Variants in SH3RF1 observed in about 807,000 individuals in gnomAD.
SH3RF1 encodes SH3 domain containing ring finger 1, also known as E3 ubiquitin-protein ligase SH3RF1.
Under a neutral mutation model 74.0 loss-of-function variants are expected in SH3RF1, and 32 were observed. The ratio of observed to expected loss-of-function variants is 0.43; its 90% CI spans 0.33 to 0.58. The LOEUF (loss-of-function observed/expected upper bound fraction) is 0.58, where lower values mean the gene tolerates loss of function less well. Ranked by LOEUF, SH3RF1 falls within the 20% of genes least tolerant of loss-of-function variation. The pLI is 0.05. For missense variants in SH3RF1, 954 were observed against 1,130.9 expected (o/e 0.84, Z 2.24); for synonymous variants, 396 against 439.6 (o/e 0.90, Z 1.24).
chr4:169,120,776 TTC>T (rs1353584388), intron 8 of SH3RF1, 41 bp downstream of exon 8: 2 of 1,592,922 alleles, frequency 1.3e-6, no homozygotes, highest in Non-Finnish European at 1.7e-6. Flanking sequence ...AGAACAAAGC[TTC>T]TCTGTTTAGA....
chr4:169,224,783 T>A (rs1479846920), intron 2 of SH3RF1, among the ~76,000 whole-genome samples: 1 of 152,006 alleles, frequency 6.6e-6, no homozygotes, highest in East Asian at 1.9e-4. Context: ...ATGAGGGAGA[T>A]CTTGAAGACT....
At chr4:169,190,041 C>T (rs1009444042) in intron 2 of SH3RF1, among the ~76,000 whole-genome samples, 6 of 152,072 alleles carry the variant, frequency 3.9e-5, no homozygotes, top group African/African-American at 1.4e-4. Flanking sequence ...AATAGTGACA[C>T]AAACTATCAA....
At chr4:169,244,096 C>G (rs1007272876) in intron 2 of SH3RF1, among the ~76,000 whole-genome samples, 2 of 152,138 alleles carry the variant, frequency 1.3e-5, no homozygotes, top group Non-Finnish European at 2.9e-5. Context: ...TCTGGCCATC[C>G]CTTTGTCTGA....
chr4:169,192,437 T>C (rs1470764136), intron 2 of SH3RF1, among the ~76,000 whole-genome samples: 1 of 152,168 alleles, frequency 6.6e-6, no homozygotes, highest in Admixed American at 6.5e-5. Context: ...CATAATGCGA[T>C]ACCACCTTAT....
At chr4:169,148,155 C>T (rs1733923004) in intron 4 of SH3RF1, among the ~76,000 whole-genome samples, 1 of 152,010 alleles carries the variant, frequency 6.6e-6, no homozygotes, top group Non-Finnish European at 1.5e-5. Flanking sequence ...ACTTTTTAAG[C>T]AAAGTTGGAT....
chr4:169,113,517 T>C (rs1733278422), intron 10 of SH3RF1, among the ~76,000 whole-genome samples: 1 of 152,226 alleles, frequency 6.6e-6, no homozygotes, highest in Admixed American at 6.5e-5. Context: ...AATAAAACTC[T>C]TCCAGGAGAC....
At chr4:169,110,854 G>C (rs779457520) in intron 10 of SH3RF1, among the ~76,000 whole-genome samples, 2 of 152,120 alleles carry the variant, frequency 1.3e-5, no homozygotes, top group Non-Finnish European at 1.5e-5. Flanking sequence ...TCAATGTCAG[G>C]CGAGACTTAC....
intron 10 of SH3RF1, among the ~76,000 whole-genome samples, chr4:169,112,705 C>T (rs1308220386): frequency 6.6e-6 from 1 of 152,092 alleles, no homozygotes; most frequent in Non-Finnish European, 1.5e-5. Flanking sequence ...AAGAACATAA[C>T]GTGGCCCATA....
intron 2 of SH3RF1, among the ~76,000 whole-genome samples, chr4:169,203,718 G>T (rs529223215): frequency 2.2e-4 from 33 of 152,200 alleles, no homozygotes; most frequent in African/African-American, 7.0e-4. Context: ...ACAGTATCTG[G>T]TACACAAAAA....
chr4:169,156,317 TGCAAAAGGCA>T, intron 3 of SH3RF1, 77 bp downstream of exon 3: 1 of 1,408,146 alleles, frequency 7.1e-7, no homozygotes, highest in Non-Finnish European at 9.5e-7. Flanking sequence ...TATTTTTTTT[TGCAAAAGGCA>T]ACACGAGCTA....
intron 2 of SH3RF1, among the ~76,000 whole-genome samples, chr4:169,253,471 G>A (rs563330559): frequency 3.9e-5 from 6 of 152,312 alleles, no homozygotes; most frequent in African/African-American, 1.4e-4. Context: ...CAGCTGGCTG[G>A]CTTATGATTT....
chr4:169,215,944 C>T (rs1231431080), intron 2 of SH3RF1, among the ~76,000 whole-genome samples: 2 of 152,076 alleles, frequency 1.3e-5, no homozygotes, highest in East Asian at 3.9e-4. Flanking sequence ...GCTGGGACCA[C>T]TGGCACACAC....
chr4:169,250,224 A>G (rs1310490115), intron 2 of SH3RF1, among the ~76,000 whole-genome samples: 1 of 152,156 alleles, frequency 6.6e-6, no homozygotes, highest in Non-Finnish European at 1.5e-5. Context: ...AAGTACACCA[A>G]TGCTGTCAGT....
intron 4 of SH3RF1, among the ~76,000 whole-genome samples, chr4:169,140,994 T>C (rs1427082626): frequency 6.6e-6 from 1 of 151,390 alleles, no homozygotes; most frequent in Non-Finnish European, 1.5e-5. Context: ...TCTTTTTTTT[T>C]TTTTTTTAAG....
Position 169,106,883 on chromosome 4 carries a change from GGACCCAGGGA to G in SH3RF1, c.2452_2461del (p.Ser818LeufsTer3). The G allele has an allele frequency of 6.2e-7, 1 of 1,612,324 alleles. No individual in the cohort carries two copies. The highest frequency in any genetic ancestry group is 1.7e-4 in the Middle Eastern group (1 of 6,052). On this transcript the variant is annotated frameshift_variant, in exon 11 of 12. Transcript: ENST00000284637. LOFTEE classifies it high-confidence loss of function. ...GACAGGTCTAGACTCATTCAAGACA[GGACCCAGGGA>G]GGAACAGGCCTGGCGAGGAGGTGGA...
At chr4:169,241,250 C>A (rs1228368607) in intron 2 of SH3RF1, among the ~76,000 whole-genome samples, 2 of 152,120 alleles carry the variant, frequency 1.3e-5, no homozygotes, top group Non-Finnish European at 2.9e-5. Context: ...AATAAATAAA[C>A]AAACAAATAA....
At chr4:169,248,705 C>G (rs1176752519) in intron 2 of SH3RF1, among the ~76,000 whole-genome samples, 4 of 152,200 alleles carry the variant, frequency 2.6e-5, no homozygotes, top group Non-Finnish European at 5.9e-5. Context: ...TCCACGTGAG[C>G]AGTCCAGTTT....
At chr4:169,148,707 G>T (rs1272909465) in intron 4 of SH3RF1, among the ~76,000 whole-genome samples, 1 of 152,166 alleles carries the variant, frequency 6.6e-6, no homozygotes, top group Non-Finnish European at 1.5e-5. Flanking sequence ...GAAGTTCAAA[G>T]CAAGGAGAGG....
At chr4:169,269,469 C>A (rs1731409651) in intron 1 of SH3RF1, among the ~76,000 whole-genome samples, 162 bp from the exon 2 acceptor site, 1 of 152,156 alleles carries the variant, frequency 6.6e-6, no homozygotes, top group South Asian at 2.1e-4. Context: ...CCAAAGTCAA[C>A]AACTGAAAAC....
Sources: gnomAD v4.1 joint callset for allele counts (sites outside exome capture counted in the v4.1 genomes callset) on GRCh38, gnomAD v4.1.1 for gene constraint, MANE v1.5 for transcripts, NCBI Gene and HGNC (gene_info 2026-07-23, HGNC 2026-07-21) for gene names.